CSMD1: variants seen among roughly 807,000 people sequenced by gnomAD.
CSMD1 encodes CUB and Sushi multiple domains 1.
In CSMD1, 213 loss-of-function variants were observed where a neutral mutation model predicts 417.5. That is an observed-to-expected ratio of 0.51 (90% CI 0.46 to 0.57). The LOEUF is 0.57. CSMD1 is among the 20% of genes least tolerant of loss of function. The pLI is 0.00. For missense variants in CSMD1, 6,923 were observed against 4,529.7 expected, an observed-to-expected ratio of 1.53 and a Z score of -15.17; for synonymous variants, 2,862 against 1,736.8, an observed-to-expected ratio of 1.65 and a Z score of -16.11.
intron 49 of CSMD1, among the ~76,000 whole-genome samples, chr8:3,082,852 A>C (rs1301676667): frequency 1.3e-5 from 2 of 152,176 alleles, no homozygotes; most frequent in Non-Finnish European, 2.9e-5. Context: ...TCAGAGGTAA[A>C]ACCTGTAACT....
chr8:3,274,459 C>G (rs1398544376), intron 26 of CSMD1, among the ~76,000 whole-genome samples: 8 of 152,078 alleles, frequency 5.3e-5, no homozygotes, highest in Admixed American at 5.2e-4. Flanking sequence ...TGGTGCAGAG[C>G]TGAGTTAAGT....
chr8:4,198,342 T>G (rs1371836275), intron 3 of CSMD1, among the ~76,000 whole-genome samples: 2 of 152,240 alleles, frequency 1.3e-5, no homozygotes, highest in African/African-American at 2.4e-5. Flanking sequence ...ATGGTGGACC[T>G]GTGTGCTAAG....
At position 3,151,425 on chromosome 8, in the gene CSMD1, G is replaced by A. The variant is rs377658660; in HGVS notation, c.6003C>T (p.Thr2001=). The change falls in exon 40 of 70, where the codon ACC becomes ACT. Residue 2001 remains threonine (T), a synonymous_variant. Transcript: ENST00000635120. ...AGCCGATGGGTAATGAGATCCTCCA[G>A]GTGCAGTCTAAGTTGTTGGGGTAAG... is the stretch of plus-strand genomic sequence containing the variant. ...PGSYPNNLDC[T]WRISLPIGYG... 5.0e-6 allele frequency: 8 copies of A among 1,613,170 alleles called. No homozygotes were observed. The highest frequency in any genetic ancestry group is 5.9e-6 in the Non-Finnish European group (7 of 1,179,372).
chr8:4,807,955 TAGG>T (rs1176077570), intron 1 of CSMD1, among the ~76,000 whole-genome samples: 1 of 152,216 alleles, frequency 6.6e-6, no homozygotes. Flanking sequence ...CCACCCTCAG[TAGG>T]AGTTCACTTG....
chr8:3,277,947 G>C (rs1433018224), intron 26 of CSMD1, among the ~76,000 whole-genome samples: 2 of 152,170 alleles, frequency 1.3e-5, no homozygotes, highest in Admixed American at 6.5e-5. Context: ...CTGAGTAAAA[G>C]AAAAGTAAGC....
intron 3 of CSMD1, among the ~76,000 whole-genome samples, chr8:4,146,415 C>T (rs898801036): frequency 6.7e-6 from 1 of 150,238 alleles, no homozygotes; most frequent in Non-Finnish European, 1.5e-5. Flanking sequence ...ACAGCAGACT[C>T]CAAAGACGTG....
chr8:4,578,711 G>C (rs1283008923), intron 2 of CSMD1, among the ~76,000 whole-genome samples: 1 of 150,460 alleles, frequency 6.6e-6, no homozygotes, highest in Non-Finnish European at 1.5e-5. Flanking sequence ...CTACTCAAGA[G>C]GCTGAGGCAA....
chr8:4,069,997 G>C (rs1799461528), intron 3 of CSMD1, among the ~76,000 whole-genome samples: 1 of 151,894 alleles, frequency 6.6e-6, no homozygotes, highest in African/African-American at 2.4e-5. Context: ...CCTTCCTTTA[G>C]AATGTTCAAT....
intron 26 of CSMD1, among the ~76,000 whole-genome samples, chr8:3,254,636 G>T (rs985992933): frequency 6.6e-6 from 1 of 152,012 alleles, no homozygotes; most frequent in African/African-American, 2.4e-5. Context: ...TTCCATCACT[G>T]ATACCCTTTC....
chr8:3,257,397 T>C (rs552293403), intron 26 of CSMD1, among the ~76,000 whole-genome samples: 27 of 152,328 alleles, frequency 1.8e-4, no homozygotes, highest in Admixed American at 2.6e-4. Flanking sequence ...AATCAACAAA[T>C]TAGGATCTCT....
At chr8:3,009,412 T>A (rs765113796) in intron 52 of CSMD1, among the ~76,000 whole-genome samples, 1 of 152,228 alleles carries the variant, frequency 6.6e-6, no homozygotes, top group Non-Finnish European at 1.5e-5. Context: ...CTTTATTCTA[T>A]CCATTCTATG....
intron 2 of CSMD1, among the ~76,000 whole-genome samples, chr8:4,476,715 T>G (rs901716786): frequency 6.6e-6 from 1 of 152,154 alleles, no homozygotes; most frequent in African/African-American, 2.4e-5. Context: ...CACCACTCAC[T>G]TTATGAATAG....
chr8:4,265,361 G>GTTACATAATAATA (rs1192477885), intron 3 of CSMD1, among the ~76,000 whole-genome samples: 6 of 110,728 alleles, frequency 5.4e-5, no homozygotes, highest in South Asian at 3.3e-4. Context: ...TCTCTGCACA[G>GTTACATAATAATA]TATCATTTGA....
At chr8:3,788,864 C>A (rs1026413010) in intron 5 of CSMD1, among the ~76,000 whole-genome samples, 1 of 152,140 alleles carries the variant, frequency 6.6e-6, no homozygotes, top group Admixed American at 6.5e-5. Context: ...AAATTATGAT[C>A]TCGCCCATTT....
intron 2 of CSMD1, among the ~76,000 whole-genome samples, chr8:4,473,589 C>T (rs574375197): frequency 1.3e-4 from 20 of 152,256 alleles, no homozygotes; most frequent in Non-Finnish European, 2.4e-4. Context: ...TGCACAAATA[C>T]GGACAAGATG....
At chr8:3,849,222 A>T (rs1269244793) in intron 5 of CSMD1, among the ~76,000 whole-genome samples, 2 of 152,164 alleles carry the variant, frequency 1.3e-5, no homozygotes, top group Non-Finnish European at 2.9e-5. Context: ...TGAGAAAATG[A>T]TGGAAAAGAG....
intron 7 of CSMD1, among the ~76,000 whole-genome samples, chr8:3,686,735 CA>C (rs1411878687): frequency 3.3e-5 from 5 of 152,224 alleles, no homozygotes; most frequent in African/African-American, 9.7e-5. Flanking sequence ...CCACGTTTCA[CA>C]AGCAAATATT....
intron 42 of CSMD1, chr8:3,113,267 T>C (rs111583934): frequency 7.2e-5 from 11 of 152,256 alleles, no homozygotes; most frequent in African/African-American, 2.4e-4. Context: ...CAGCTGACCA[T>C]GGCATCAGCA....
At chr8:3,357,648 T>C (rs1310782829) in intron 21 of CSMD1, among the ~76,000 whole-genome samples, 2 of 152,208 alleles carry the variant, frequency 1.3e-5, no homozygotes, top group Non-Finnish European at 2.9e-5. Context: ...GTTACATATC[T>C]AGATGTCACC....
Sources: gnomAD v4.1 joint callset for allele counts (sites outside exome capture counted in the v4.1 genomes callset) on GRCh38, gnomAD v4.1.1 for gene constraint, MANE v1.5 for transcripts, NCBI Gene and HGNC (gene_info 2026-07-23, HGNC 2026-07-21) for gene names.